Variants in FNTB observed in about 807,000 individuals in gnomAD.
The protein encoded by FNTB is farnesyltransferase, CAAX box, subunit beta, also known as protein farnesyltransferase subunit beta.
FNTB carries 27 observed loss-of-function variants against 59.4 expected under a neutral mutation model. That is an observed-to-expected ratio of 0.45 (90% confidence interval 0.34 to 0.63). The LOEUF (loss-of-function observed/expected upper bound fraction) is 0.63, where lower values mean the gene tolerates loss of function less well. Ranked by LOEUF, FNTB falls within the 20% of genes least tolerant of loss-of-function variation. The pLI, the probability that FNTB is intolerant of heterozygous loss-of-function variation, is 0.02. For synonymous variants in FNTB, 230 were observed against 220.7 expected, an observed-to-expected ratio of 1.04 and a Z score of -0.37; for missense variants, 449 against 559.6, an observed-to-expected ratio of 0.80 and a Z score of 1.99.
rs776664530 is a variant in FNTB at position 65,054,577 on chromosome 14, C to T, written c.1070C>T (p.Ser357Leu). 8.1e-6 allele frequency: 13 copies of T among 1,612,362 alleles called. No homozygotes were observed. The highest frequency in any genetic ancestry group is 2.7e-5 in the African/African-American group (2 of 74,826). ...AGGLLDKPGK[S>L]RDFYHTCYCL... ...CTCAGAGCTGCCTGTCCTTACAGGT[C>T]GCGTGATTTCTACCACACCTGCTAC... is the stretch of plus-strand genomic sequence containing the variant. The change falls in exon 11 of 12, where the codon TCG becomes TTG. Residue 357 changes from serine to leucine, a missense_variant and splice_region_variant. Ser to Leu is a moderately radical substitution (Grantham distance 145). This residue lies in a region of FNTB where 337 missense variants were observed against 479.1 expected (regional missense o/e 0.70). Transcript: ENST00000246166. The surrounding 1 kb of genome is among the most constrained non-coding windows in gnomAD (Gnocchi z 4.4).
At chr14:65,022,264 A>G in intron 4 of FNTB, 1 of 323,592 alleles carries the variant, frequency 3.1e-6, no homozygotes, top group South Asian at 2.4e-5. Context: ...CCTATTTCCA[A>G]AGCTGTAATC....
At chr14:65,050,928 A>G (rs902059381) in intron 9 of FNTB, among the ~76,000 whole-genome samples, 49 of 152,248 alleles carry the variant, frequency 3.2e-4, no homozygotes, top group African/African-American at 1.1e-3. Flanking sequence ...AAGGAACTGG[A>G]AACAACCTTG....
rs1257558877 is a variant in FNTB at position 65,047,406 on chromosome 14, C to T, written c.955+2963C>T. 6.6e-6 allele frequency among the ~76,000 whole-genome samples: 1 copy of T among 152,158 alleles called. No homozygotes were observed. Among genetic ancestry groups the T allele is most frequent in the Non-Finnish European group, 1.5e-5 (1 of 68,050 alleles). ...CCCTGCTCATAACCACAGTAGGTGG[C>T]CATTAATCCAACGAAAAATTGTTTA... On this transcript the variant is annotated intron_variant, in intron 9 of 11. Coordinates refer to ENST00000246166, the MANE Select transcript of FNTB (RefSeq NM_002028.4). The surrounding 1 kb of genome is among the most constrained non-coding windows in gnomAD (Gnocchi z 5.2).
intron 8 of FNTB, among the ~76,000 whole-genome samples, 186 bp downstream of exon 8, chr14:65,041,105 T>A (rs1272524239): frequency 6.6e-6 from 1 of 152,342 alleles, no homozygotes. Flanking sequence ...TCTGTCTTCC[T>A]GCTTAGAGCT....
chr14:65,012,423 A>C lies in FNTB; in HGVS notation c.282+34A>C. The C allele has an allele frequency of 1.2e-6, 2 of 1,613,152 alleles. No homozygotes were observed. Among genetic ancestry groups the C allele is most frequent in the Non-Finnish European group, 1.7e-6 (2 of 1,179,186 alleles). On this transcript the variant is annotated intron_variant, in intron 3 of 11. Coordinates refer to ENST00000246166, the MANE Select transcript of FNTB (RefSeq NM_002028.4). This position sits in a 1 kb window ranked among gnomAD's most constrained non-coding sequence, Gnocchi z 5.0. ...ATTACCCAGGAACTCTTGCTGTCAA[A>C]TTATCCACCAAATCCTCCTCCTTTT... is the stretch of plus-strand genomic sequence containing the variant.
At position 65,015,699 on chromosome 14, in the gene FNTB, C is replaced by T. The variant is rs2061760686; in HGVS notation, c.357C>T (p.Pro119=). The part of the protein sequence containing the change: ...HSLELLDEPI[P]QIVATDVCQF... Reference sequence around the variant, plus strand: ...TGGAACTGCTAGATGAACCCATCCCCCAGATAGTGGCTACAGAGTGAGTCT... The same window carrying T: ...TGGAACTGCTAGATGAACCCATCCCTCAGATAGTGGCTACAGAGTGAGTCT... The change falls in exon 4 of 12, where the codon CCC becomes CCT. Residue 119 remains proline, a synonymous_variant. Coordinates refer to ENST00000246166, the MANE Select transcript of FNTB (RefSeq NM_002028.4). The T allele has an allele frequency of 2.5e-6, 4 of 1,614,158 alleles. No homozygotes were observed. The highest frequency in any genetic ancestry group is 3.4e-6 in the Non-Finnish European group (4 of 1,180,012).
At chr14:65,059,837 CTTTTTT>C (rs34459085) in intron 11 of FNTB, among the ~76,000 whole-genome samples, 6 of 134,234 alleles carry the variant, frequency 4.5e-5, no homozygotes, top group African/African-American at 1.7e-4. Flanking sequence ...GTCCTTTTTT[CTTTTTT>C]TTTTTTTTTT....
At position 64,997,698 on chromosome 14, in the gene FNTB, A is replaced by G. The variant is rs1888452634; in HGVS notation, c.145-6551A>G. ...AAGAAGGATGTTGGGGAGGCCCGGA[A>G]TGGGGAGGTGACCGGGAAAAGCACA... is the stretch of plus-strand genomic sequence containing the variant. On this transcript the variant is annotated intron_variant, in intron 1 of 11. Transcript: ENST00000246166. This position sits in a 1 kb window ranked among gnomAD's most constrained non-coding sequence, Gnocchi z 4.5. 6.6e-6 allele frequency among the ~76,000 whole-genome samples: 1 copy of G among 152,224 alleles called. No homozygotes were observed. Among genetic ancestry groups the G allele is most frequent in the African/African-American group, 2.4e-5 (1 of 41,458 alleles).
rs2062013680 is a variant in FNTB, at chr14:65,027,936, G to C, written c.605+155G>C. Among the ~76,000 whole-genome samples the C allele has an allele frequency of 1.3e-5, 2 of 152,246 alleles. No homozygotes were observed. The highest frequency in any genetic ancestry group is 2.9e-5 in the Non-Finnish European group (2 of 68,048). On this transcript the variant is annotated intron_variant, in intron 6 of 11. Transcript: ENST00000246166. This position sits in a 1 kb window ranked among gnomAD's most constrained non-coding sequence, Gnocchi z 5.7. The stretch of plus-strand genomic sequence containing the variant: ...GTCAGTGACACGTCAGAATCATTCA[G>C]ATGTGATGCAGATGTCCTCAGGTGT...
chr14:65,044,618 A>G lies in FNTB; in HGVS notation c.955+175A>G. 1 of 954,740 alleles carries G rather than the reference A, an allele frequency of 1.0e-6. No homozygotes were observed. The highest frequency in any genetic ancestry group is 1.5e-6 in the Non-Finnish European group (1 of 684,826). 59.1% of individuals were successfully genotyped at this position (954,740 alleles called of 1,614,324 possible). On this transcript the variant is annotated intron_variant, in intron 9 of 11. Transcript: ENST00000246166. This position sits in a 1 kb window ranked among gnomAD's most constrained non-coding sequence, Gnocchi z 5.5. ...GGCATGCGAATGCAGAGTAAGATTT[A>G]GTTTCATTGGTTTAGTGTCATTCTT...
At chr14:65,004,894 T>C (rs945978899) in intron 2 of FNTB, among the ~76,000 whole-genome samples, 40 of 152,132 alleles carry the variant, frequency 2.6e-4, no homozygotes, top group Admixed American at 1.9e-3. Flanking sequence ...AACTCCTGAC[T>C]TCAGGTGATC....
At position 65,029,658 on chromosome 14, in the gene FNTB, G is replaced by A. The variant is rs1484199733; in HGVS notation, c.605+1877G>A. 1.3e-5 allele frequency among the ~76,000 whole-genome samples: 2 copies of A among 152,178 alleles called. No individual in the cohort carries two copies. Among genetic ancestry groups the A allele is most frequent in the Non-Finnish European group, 2.9e-5 (2 of 68,026 alleles). ...GATCTAGCATTTGCAGAAGTTTGGTGAGAAAGCATGTGTTGCTCAAGAAAG... is the reference window on the plus strand; with the variant it reads ...GATCTAGCATTTGCAGAAGTTTGGTAAGAAAGCATGTGTTGCTCAAGAAAG... On this transcript the variant is annotated intron_variant, in intron 6 of 11. Transcript: ENST00000246166. The surrounding 1 kb of genome is among the most constrained non-coding windows in gnomAD (Gnocchi z 4.7).
intron 8 of FNTB, among the ~76,000 whole-genome samples, chr14:65,042,796 G>GAACC (rs1298950484): frequency 6.6e-6 from 1 of 152,140 alleles, no homozygotes; most frequent in Non-Finnish European, 1.5e-5. Flanking sequence ...TAGAAATGAG[G>GAACC]AACCGACTCC....
chr14:65,059,835 T>A (rs2062820142), intron 11 of FNTB, among the ~76,000 whole-genome samples: 1 of 131,760 alleles, frequency 7.6e-6, no homozygotes, highest in South Asian at 2.3e-4. Flanking sequence ...TGGTCCTTTT[T>A]TCTTTTTTTT....
At position 65,062,595 on chromosome 14, in the gene FNTB, T is replaced by A. The variant is rs188217191; in HGVS notation, c.*1283T>A. 1 of 152,818 alleles carries A rather than the reference T, an allele frequency of 6.5e-6. No individual in the cohort carries two copies. The highest frequency in any genetic ancestry group is 1.5e-5 in the Non-Finnish European group (1 of 68,042). 9.5% of individuals were successfully genotyped at this position (152,818 alleles called of 1,614,324 possible). On this transcript the variant is annotated 3_prime_UTR_variant, in exon 12 of 12. Coordinates refer to ENST00000246166, the MANE Select transcript of FNTB (RefSeq NM_002028.4). The surrounding 1 kb of genome is among the most constrained non-coding windows in gnomAD (Gnocchi z 4.3). ...TTTGCTGCCTCTAATTCCCTTTTGCTTTGCCATATTGGGCTATGTATTACC... is the reference window on the plus strand; with the variant it reads ...TTTGCTGCCTCTAATTCCCTTTTGCATTGCCATATTGGGCTATGTATTACC...
chr14:64,999,409 G>C (rs1021166640), intron 1 of FNTB, among the ~76,000 whole-genome samples: 9 of 152,342 alleles, frequency 5.9e-5, no homozygotes, highest in African/African-American at 2.2e-4. Flanking sequence ...CTGCACTCAA[G>C]CCTGGGCAAC....
chr14:64,988,033 C>A (rs575542985), intron 1 of FNTB, among the ~76,000 whole-genome samples: 6 of 152,042 alleles, frequency 3.9e-5, no homozygotes, highest in Non-Finnish European at 8.8e-5. Flanking sequence ...CTTGGAGAGA[C>A]CTGTTTTGTA....
In FNTB at chr14:65,029,599, C is replaced by G. The variant is rs902420764; in HGVS notation, c.605+1818C>G. Among the ~76,000 whole-genome samples, 10 of 152,178 alleles carry G rather than the reference C, an allele frequency of 6.6e-5. No homozygotes were observed. Among genetic ancestry groups the G allele is most frequent in the Non-Finnish European group, 1.0e-4 (7 of 68,044 alleles). ...AGACCTCCTTTCTAGGTTATATAAT[C>G]TAGATCATTCTGTGAGGATAAGGTG... On this transcript the variant is annotated intron_variant, in intron 6 of 11. Transcript: ENST00000246166. This position sits in a 1 kb window ranked among gnomAD's most constrained non-coding sequence, Gnocchi z 4.7.
In FNTB at chr14:65,040,526, G is replaced by A. The variant is rs116304205; in HGVS notation, c.693-264G>A. ...TGTGATCATAGCTCACTGCAGCCTC[G>A]AACTCCTCGCCTCAAGTGATCTTCT... On this transcript the variant is annotated intron_variant, in intron 7 of 11. Transcript: ENST00000246166. Among the ~76,000 whole-genome samples, 245 of 150,950 alleles carry A rather than the reference G, an allele frequency of 1.6e-3. 1 individual carries two copies. The highest frequency in any genetic ancestry group is 5.9e-3 in the African/African-American group (243 of 41,074).
Sources: allele counts gnomAD v4.1 joint callset (sites outside exome capture counted in the v4.1 genomes callset), GRCh38; gene constraint gnomAD v4.1.1; regional missense constraint gnomAD v4.1.1; non-coding constraint Gnocchi (gnomAD v3.1); transcripts MANE v1.5; gene names NCBI Gene and HGNC (gene_info 2026-07-23, HGNC 2026-07-21).